The following STAB2 variants were observed in gnomAD, a reference collection of about 807,000 sequenced individuals.
STAB2 encodes the protein stabilin-2.
Under a neutral mutation model 338.1 loss-of-function variants are expected in STAB2, and 288 were observed. The ratio of observed to expected loss-of-function variants is 0.85; its 90% CI spans 0.77 to 0.94. STAB2 has a LOEUF of 0.94. STAB2 is among the 40% of genes least tolerant of loss of function. The pLI is 0.00. For missense variants in STAB2, 3,141 were observed against 3,210.1 expected, an observed-to-expected ratio of 0.98 and a Z score of 0.52; for synonymous variants, 1,202 against 1,193.3, an observed-to-expected ratio of 1.01 and a Z score of -0.15.
chr12:103,684,742 G>A (rs911140238), intron 26 of STAB2, among the ~76,000 whole-genome samples: 1 of 152,194 alleles, frequency 6.6e-6, no homozygotes, highest in African/African-American at 2.4e-5. Context: ...ATTTAACTGT[G>A]CATCCTGTAT....
intron 9 of STAB2, among the ~76,000 whole-genome samples, chr12:103,643,206 C>A (rs751494927): frequency 6.6e-6 from 1 of 152,022 alleles, no homozygotes; most frequent in Non-Finnish European, 1.5e-5. Flanking sequence ...ATTCATGAGG[C>A]CTTTACTTTC....
Position 103,689,215 on chromosome 12 carries a change from G to T in STAB2, c.3046-631G>T, listed in dbSNP as rs536148277. Among the ~76,000 whole-genome samples, 41 of 152,312 alleles carry T rather than the reference G, an allele frequency of 2.7e-4. No homozygotes were observed. In the South Asian group the frequency reaches 8.5e-3, roughly 32 times the overall value. ...ATACTCAAGGTGGCTGGGCGCAGTGGCTCATGCCTGTAATCCCAGCACTTT... is the reference window on the plus strand; with the variant it reads ...ATACTCAAGGTGGCTGGGCGCAGTGTCTCATGCCTGTAATCCCAGCACTTT... On this transcript the variant is annotated intron_variant, in intron 28 of 68. Transcript: ENST00000388887.
In STAB2 at chr12:103,655,611, C is replaced by A. The variant is rs532341052; in HGVS notation, c.1734+30C>A. ...CGTATTCTGCTTGCTCTGATGGCAT[C>A]GTGTCAGCAGCACTGCCTCAGTCTG... On this transcript the variant is annotated intron_variant, in intron 15 of 68. Transcript: ENST00000388887. 7 of 1,611,690 alleles carry A rather than the reference C, an allele frequency of 4.3e-6. No individual in the cohort carries two copies. The South Asian group carries it at 6.6e-5, about 15-fold the overall frequency.
At chr12:103,628,735 C>T (rs962508623) in intron 5 of STAB2, among the ~76,000 whole-genome samples, 1 of 151,534 alleles carries the variant, frequency 6.6e-6, no homozygotes, top group African/African-American at 2.4e-5. Flanking sequence ...TATGGGCTCA[C>T]CTTACTCCAG....
At chr12:103,757,040 A>G (rs1157488571) in intron 63 of STAB2, among the ~76,000 whole-genome samples, 1 of 145,238 alleles carries the variant, frequency 6.9e-6, no homozygotes, top group African/African-American at 2.5e-5. Flanking sequence ...TAAAATATAT[A>G]TATTAAAGTA....
intron 3 of STAB2, among the ~76,000 whole-genome samples, chr12:103,598,922 G>A (rs1216919526): frequency 6.6e-6 from 1 of 152,140 alleles, no homozygotes; most frequent in African/African-American, 2.4e-5. Flanking sequence ...AATTGACATG[G>A]GAGCAGAGGA....
chr12:103,683,347 ACAATGCTTGAG>A, intron 26 of STAB2, 47 bp downstream of exon 26: 4 of 1,429,824 alleles, frequency 2.8e-6, no homozygotes, highest in Non-Finnish European at 3.8e-6. Flanking sequence ...AAAAAAAAAA[ACAATGCTTGAG>A]AAAGAAAGAT....
chr12:103,592,937 C>G (rs1016842813), intron 2 of STAB2, among the ~76,000 whole-genome samples: 1 of 152,110 alleles, frequency 6.6e-6, no homozygotes, highest in African/African-American at 2.4e-5. Flanking sequence ...CTGTGTCTAG[C>G]TTATCTCACT....
At chr12:103,637,435 G>C (rs1957566213) in intron 7 of STAB2, among the ~76,000 whole-genome samples, 199 bp downstream of exon 7, 1 of 152,172 alleles carries the variant, frequency 6.6e-6, no homozygotes, top group African/African-American at 2.4e-5. Flanking sequence ...AGCACATATA[G>C]AGATTTTTAT....
At chr12:103,668,596 A>G (rs1339337843) in intron 19 of STAB2, 47 bp from the exon 20 acceptor site, 5 of 1,511,300 alleles carry the variant, frequency 3.3e-6, no homozygotes, top group Non-Finnish European at 4.5e-6. Flanking sequence ...TGCCTGGAGG[A>G]CCTAAACATG....
At chr12:103,766,030 TGAA>T (rs1201997474) in intron 68 of STAB2, 10 of 639,378 alleles carry the variant, frequency 1.6e-5, no homozygotes, top group Non-Finnish European at 2.6e-5. Flanking sequence ...CCTTTGTAGA[TGAA>T]GAAACTGCAG....
At chr12:103,711,665 C>T (rs1229091492) in intron 40 of STAB2, 149 bp downstream of exon 40, 1 of 888,994 alleles carries the variant, frequency 1.1e-6, no homozygotes, top group Non-Finnish European at 1.7e-6. Context: ...AAAAATATCT[C>T]TGAAGAGGCC....
In STAB2 at chr12:103,675,918, T is replaced by C. The variant is rs1298930675; in HGVS notation, c.2553-10T>C. 4 of 1,606,860 alleles carry C rather than the reference T, an allele frequency of 2.5e-6. No individual in the cohort carries two copies. Among genetic ancestry groups the C allele is most frequent in the Non-Finnish European group, 3.4e-6 (4 of 1,176,526 alleles). ...ATTCTGGGGCTGATATTGCACACTC[T>C]CCTTTGCAGTTGTATTTGCAAAGCA... On this transcript the variant is annotated splice_polypyrimidine_tract_variant and intron_variant, in intron 23 of 68. Transcript: ENST00000388887.
chr12:103,593,619 G>C (rs779843587), intron 2 of STAB2, among the ~76,000 whole-genome samples: 3 of 152,156 alleles, frequency 2.0e-5, no homozygotes, highest in African/African-American at 7.2e-5. Flanking sequence ...ATGTGACTGT[G>C]CTATTAATCA....
intron 17 of STAB2, 84 bp downstream of exon 17, chr12:103,660,847 A>G (rs1448470822): frequency 1.4e-5 from 19 of 1,366,782 alleles, no homozygotes; most frequent in South Asian, 4.7e-5. Context: ...TCCTGCCTCT[A>G]TGCTAACTCA....
chr12:103,644,220 C>G, intron 9 of STAB2, among the ~76,000 whole-genome samples: 1 of 144,478 alleles, frequency 6.9e-6, no homozygotes, highest in East Asian at 2.0e-4. Context: ...TCCTGTTGAT[C>G]GGTGACCCTA....
At chr12:103,742,326 G>A in intron 55 of STAB2, 79 bp from the exon 56 acceptor site, 1 of 1,549,226 alleles carries the variant, frequency 6.5e-7, no homozygotes, top group Non-Finnish European at 8.7e-7. Flanking sequence ...GAAGTCAGAT[G>A]CCACAGCACA....
At chr12:103,667,134 T>G (rs903182) in intron 19 of STAB2, among the ~76,000 whole-genome samples, 85,498 of 151,962 alleles carry the variant, frequency 0.56, 25,004 homozygotes, top group East Asian at 0.8. Flanking sequence ...GATCATTAGG[T>G]AAGGTTATGA....
At chr12:103,737,507 G>C (rs1882221493) in intron 52 of STAB2, 127 bp from the exon 53 acceptor site, 2 of 1,005,652 alleles carry the variant, frequency 2.0e-6, no homozygotes, top group Admixed American at 5.9e-5. Flanking sequence ...AGTTCTTCCT[G>C]AGTCTTGCAG....
Sources: allele counts gnomAD v4.1 joint callset (sites outside exome capture counted in the v4.1 genomes callset), GRCh38; gene constraint gnomAD v4.1.1; transcripts MANE v1.5; gene names NCBI Gene and HGNC (gene_info 2026-07-23, HGNC 2026-07-21).